RALYL: variants seen among roughly 807,000 people sequenced by gnomAD.
RALYL encodes RALY RNA binding protein like.
A neutral mutation model predicts 35.1 loss-of-function variants in RALYL; 29 were observed. That is an observed-to-expected ratio of 0.83 (90% CI 0.61 to 1.13). The LOEUF (loss-of-function observed/expected upper bound fraction) is 1.13. Among genes scored for constraint, RALYL ranks in the 50% most tolerant of loss-of-function variants. The probability of loss-of-function intolerance (pLI) is 0.00; values close to 1 mark genes in which losing one functional copy is unlikely to be tolerated. For synonymous variants in RALYL, 120 were observed against 127.6 expected (o/e 0.94, Z 0.40); for missense variants, 359 against 360.4 (o/e 1.00, Z 0.03).
intron 1 of RALYL, among the ~76,000 whole-genome samples, chr8:84,497,352 C>A (rs1054714885): frequency 1.5e-4 from 23 of 152,158 alleles, no homozygotes; most frequent in Non-Finnish European, 3.2e-4. Flanking sequence ...GGTGACTATA[C>A]CTTCTAGTAA....
At chr8:84,426,473 T>TGTGTGGGG (rs781271546) in intron 1 of RALYL, among the ~76,000 whole-genome samples, 15 of 149,148 alleles carry the variant, frequency 1.0e-4, no homozygotes, top group Middle Eastern at 3.6e-3. Flanking sequence ...TGTGTGTGTG[T>TGTGTGGGG]GGGTTTAGAT....
chr8:84,202,028 G>A (rs1252930298), intron 1 of RALYL, among the ~76,000 whole-genome samples: 2 of 151,964 alleles, frequency 1.3e-5, no homozygotes, highest in Non-Finnish European at 2.9e-5. Context: ...TTGTAATAAT[G>A]TACTTTGTCA....
chr8:84,913,849 G>A (rs1459248358), intron 8 of RALYL, among the ~76,000 whole-genome samples: 1 of 151,776 alleles, frequency 6.6e-6, no homozygotes, highest in African/African-American at 2.4e-5. Context: ...GGAGGGTTAT[G>A]TATAGGATAA....
intron 2 of RALYL, among the ~76,000 whole-genome samples, chr8:84,611,037 C>A (rs1818198003): frequency 6.6e-6 from 1 of 152,126 alleles, no homozygotes; most frequent in Admixed American, 6.6e-5. Flanking sequence ...AAACTAAGAT[C>A]TGGACACTAG....
chr8:84,675,821 C>T (rs962348493), intron 2 of RALYL, among the ~76,000 whole-genome samples: 8 of 152,040 alleles, frequency 5.3e-5, no homozygotes, highest in Admixed American at 2.6e-4. Context: ...CTCTAAAAGC[C>T]CTGACTTTAC....
At chr8:84,505,178 C>T (rs182848515) in intron 1 of RALYL, among the ~76,000 whole-genome samples, 14 of 152,264 alleles carry the variant, frequency 9.2e-5, no homozygotes, top group Admixed American at 8.5e-4. Context: ...CATCAATCTG[C>T]ACCTTACCTC....
chr8:84,221,639 T>A (rs929447123), intron 1 of RALYL, among the ~76,000 whole-genome samples: 5 of 152,094 alleles, frequency 3.3e-5, no homozygotes, highest in African/African-American at 1.2e-4. Context: ...TTCACAGTAA[T>A]GCTAAATAAA....
chr8:84,404,823 G>A (rs576998485), intron 1 of RALYL, among the ~76,000 whole-genome samples: 1 of 152,122 alleles, frequency 6.6e-6, no homozygotes, highest in East Asian at 1.9e-4. Flanking sequence ...TGGCTGGTCA[G>A]CTATTAATTA....
chr8:84,642,143 G>T (rs1316704985), intron 2 of RALYL, among the ~76,000 whole-genome samples: 1 of 151,854 alleles, frequency 6.6e-6, no homozygotes, highest in Non-Finnish European at 1.5e-5. Context: ...GTATACATGT[G>T]TGCACAAAGA....
intron 2 of RALYL, among the ~76,000 whole-genome samples, chr8:84,562,582 G>A (rs2135608106): frequency 6.6e-6 from 1 of 151,906 alleles, no homozygotes; most frequent in East Asian, 1.9e-4. Flanking sequence ...CCTAAAAAAT[G>A]GAACAGATGG....
rs543173107 is a variant in RALYL, at chr8:84,498,758, CTT to C, written c.-23-30540_-23-30539del. Among the ~76,000 whole-genome samples the C allele has an allele frequency of 2.0e-4, 30 of 152,054 alleles. No individual in the cohort carries two copies. In the East Asian group the frequency reaches 2.1e-3, roughly 11 times the overall value. ...ATAACACACTTTTCAACAGATGACT[CTT>C]ATATATTATCAAAGATGTAAAAGAA... On this transcript the variant is annotated intron_variant, in intron 1 of 8. Coordinates refer to ENST00000521268, the MANE Select transcript of RALYL (RefSeq NM_173848.7).
chr8:84,548,335 TG>T (rs2060496998), intron 2 of RALYL, among the ~76,000 whole-genome samples: 1 of 152,200 alleles, frequency 6.6e-6, no homozygotes, highest in Non-Finnish European at 1.5e-5. Flanking sequence ...TTCTGTCGCA[TG>T]TTTACAGATA....
At chr8:84,383,726 A>G (rs1005812297) in intron 1 of RALYL, among the ~76,000 whole-genome samples, 13 of 150,882 alleles carry the variant, frequency 8.6e-5, no homozygotes, top group African/African-American at 3.2e-4. Flanking sequence ...GGTTGGGACA[A>G]CAGCTGTGAA....
chr8:84,719,080 C>T (rs1843417750), intron 2 of RALYL, among the ~76,000 whole-genome samples: 1 of 152,086 alleles, frequency 6.6e-6, no homozygotes, highest in African/African-American at 2.4e-5. Context: ...CTGCTGGTGG[C>T]TGGTAGAGTT....
intron 2 of RALYL, among the ~76,000 whole-genome samples, chr8:84,652,797 G>C (rs1427374355): frequency 6.6e-6 from 1 of 151,966 alleles, no homozygotes; most frequent in Non-Finnish European, 1.5e-5. Flanking sequence ...GGACAGTTCT[G>C]ATTGTTGCCT....
intron 1 of RALYL, among the ~76,000 whole-genome samples, chr8:84,234,002 T>G (rs1825930024): frequency 6.6e-6 from 1 of 152,216 alleles, no homozygotes; most frequent in Non-Finnish European, 1.5e-5. Flanking sequence ...TGTAGTATCC[T>G]GATGCACCTT....
chr8:84,716,677 C>T (rs1470191227), intron 2 of RALYL, among the ~76,000 whole-genome samples: 1 of 152,138 alleles, frequency 6.6e-6, no homozygotes, highest in Non-Finnish European at 1.5e-5. Flanking sequence ...CTCCATGAAG[C>T]TTTCTAGAGT....
At chr8:84,903,164 A>G (rs1315548737) in intron 8 of RALYL, among the ~76,000 whole-genome samples, 2 of 152,126 alleles carry the variant, frequency 1.3e-5, no homozygotes, top group Non-Finnish European at 2.9e-5. Flanking sequence ...CACTCTTTTG[A>G]GGAATTCTCT....
At chr8:84,591,497 A>C (rs1813262221) in intron 2 of RALYL, among the ~76,000 whole-genome samples, 1 of 152,190 alleles carries the variant, frequency 6.6e-6, no homozygotes, top group African/African-American at 2.4e-5. Context: ...CTAAGTTTGC[A>C]TAAGGAACCC....
Sources: allele counts gnomAD v4.1 joint callset (sites outside exome capture counted in the v4.1 genomes callset), GRCh38; gene constraint gnomAD v4.1.1; transcripts MANE v1.5; gene names NCBI Gene and HGNC (gene_info 2026-07-23, HGNC 2026-07-21).